Variants in DEPDC1B observed in about 807,000 individuals in gnomAD.
DEPDC1B encodes the protein DEP domain containing 1B.
A neutral mutation model predicts 66.5 loss-of-function variants in DEPDC1B; 51 were observed. That is an observed-to-expected ratio of 0.77 (90% CI 0.61 to 0.97). The LOEUF (loss-of-function observed/expected upper bound fraction) is 0.97. DEPDC1B is among the 50% of genes least tolerant of loss of function. The pLI, the probability that DEPDC1B is intolerant of heterozygous loss-of-function variation, is 0.00. For synonymous variants in DEPDC1B, 226 were observed against 223.6 expected (o/e 1.01, Z -0.10); for missense variants, 552 against 637.1 (o/e 0.87, Z 1.44).
At chr5:60,602,443 T>G (rs952933594) in intron 9 of DEPDC1B, among the ~76,000 whole-genome samples, 1 of 152,088 alleles carries the variant, frequency 6.6e-6, no homozygotes, top group African/African-American at 2.4e-5. Context: ...TTGTAATACC[T>G]CAGAAGGAGG....
intron 7 of DEPDC1B, among the ~76,000 whole-genome samples, chr5:60,619,681 G>A (rs1752655315): frequency 1.3e-5 from 2 of 152,196 alleles, no homozygotes; most frequent in South Asian, 4.1e-4. Flanking sequence ...TCATGGGTAG[G>A]AAGAATCAAT....
intron 10 of DEPDC1B, 70 bp downstream of exon 10, chr5:60,599,005 T>C (rs1004680515): frequency 2.9e-5 from 38 of 1,292,662 alleles, no homozygotes; most frequent in Non-Finnish European, 3.8e-5. Flanking sequence ...ATGAAGCCTA[T>C]TAAAATAAAA....
Position 60,627,650 on chromosome 5 carries a change from A to G in DEPDC1B, c.898+11100T>C, listed in dbSNP as rs142431661. Among the ~76,000 whole-genome samples the G allele has an allele frequency of 1.7e-3, 260 of 152,262 alleles. 2 individuals carry two copies. The highest frequency in any genetic ancestry group is 6.1e-3 in the African/African-American group (252 of 41,566). ...CTTGTTTCTTGCATTTCCAAATGAT[A>G]TAATAGTGCTTTCTCTAACTACAAA... is the stretch of plus-strand genomic sequence containing the variant. On this transcript the variant is annotated intron_variant, in intron 7 of 10. Coordinates refer to ENST00000265036, the MANE Select transcript of DEPDC1B (RefSeq NM_018369.3).
rs1249467513 is a variant in DEPDC1B, at chr5:60,668,013, T to TTA, written c.314+18947_314+18948dup. ...ATATTATATATATAAAATGGATATT[T>TTA]TATATATATATAAAATGGATATTTT... On this transcript the variant is annotated intron_variant, in intron 2 of 10. Coordinates refer to ENST00000265036, the MANE Select transcript of DEPDC1B (RefSeq NM_018369.3). Among the ~76,000 whole-genome samples, 387 of 81,386 alleles carry TTA rather than the reference T, an allele frequency of 4.8e-3. 9 individuals carry two copies. The highest frequency in any genetic ancestry group is 0.01 in the African/African-American group (131 of 12,526). The allele number at this position is 81,386 out of a possible 152,430, so 53.4% of individuals were successfully genotyped here. A position where few individuals can be genotyped will look rare whatever the true frequency, so the allele number is the denominator to read the frequency against.
intron 3 of DEPDC1B, among the ~76,000 whole-genome samples, chr5:60,646,548 C>T (rs1279647183): frequency 6.6e-6 from 1 of 152,166 alleles, no homozygotes; most frequent in Non-Finnish European, 1.5e-5. Context: ...TGGATTCAAC[C>T]AACCACAGAT....
intron 10 of DEPDC1B, among the ~76,000 whole-genome samples, chr5:60,598,267 G>A (rs1000654391): frequency 6.6e-6 from 1 of 152,040 alleles, no homozygotes; most frequent in Non-Finnish European, 1.5e-5. Context: ...CTCCAACTCA[G>A]CCCCACCAGC....
intron 7 of DEPDC1B, 116 bp downstream of exon 7, chr5:60,638,634 T>A (rs1204950344): frequency 6.7e-6 from 7 of 1,050,674 alleles, no homozygotes; most frequent in East Asian, 2.7e-5. Flanking sequence ...AAATACTCTA[T>A]CAGTTTTTAT....
chr5:60,623,938 G>T (rs781241439), intron 7 of DEPDC1B, among the ~76,000 whole-genome samples: 2 of 151,988 alleles, frequency 1.3e-5, no homozygotes, highest in Admixed American at 6.6e-5. Flanking sequence ...TGGGATTTTT[G>T]ATATCAGCAA....
rs116129153 is a variant in DEPDC1B, at chr5:60,690,585, C to A, written c.49-3358G>T. 3.2e-3 allele frequency among the ~76,000 whole-genome samples: 493 copies of A among 152,250 alleles called. 3 individuals are homozygous for A. The highest frequency in any genetic ancestry group is 0.011 in the African/African-American group (447 of 41,550). On this transcript the variant is annotated intron_variant, in intron 1 of 10. Coordinates refer to ENST00000265036, the MANE Select transcript of DEPDC1B (RefSeq NM_018369.3). ...CAGTCCTCCTAAAGTCCTTAAAATT[C>A]ATAGTCATATTCTCATTTTCTCTTA...
chr5:60,657,538 C>A (rs867153338), intron 2 of DEPDC1B, among the ~76,000 whole-genome samples: 1 of 152,078 alleles, frequency 6.6e-6, no homozygotes, highest in Non-Finnish European at 1.5e-5. Context: ...TGTATCTTTG[C>A]TTTGTTTATG....
chr5:60,649,158 C>T (rs1313869457), intron 2 of DEPDC1B, among the ~76,000 whole-genome samples: 1 of 152,118 alleles, frequency 6.6e-6, no homozygotes, highest in Non-Finnish European at 1.5e-5. Flanking sequence ...CTCACAAACT[C>T]TCTATGTGTC....
chr5:60,653,920 T>A (rs1421811671), intron 2 of DEPDC1B, among the ~76,000 whole-genome samples: 2 of 149,046 alleles, frequency 1.3e-5, no homozygotes, highest in Non-Finnish European at 2.9e-5. Flanking sequence ...GCTGTAAGTA[T>A]TTCACTTTAT....
intron 2 of DEPDC1B, among the ~76,000 whole-genome samples, chr5:60,656,144 G>A (rs534252376): frequency 3.2e-4 from 48 of 148,974 alleles, no homozygotes; most frequent in African/African-American, 1.2e-3. Flanking sequence ...TTGTCCTAAG[G>A]TATAGTTTAA....
chr5:60,644,619 G>C (rs1338295711), intron 5 of DEPDC1B, 126 bp downstream of exon 5: 5 of 704,802 alleles, frequency 7.1e-6, no homozygotes, highest in Non-Finnish European at 6.4e-6. Flanking sequence ...AAAGGTATTA[G>C]AAAGAATATA....
At chr5:60,681,984 A>C (rs1399244159) in intron 2 of DEPDC1B, among the ~76,000 whole-genome samples, 1 of 152,080 alleles carries the variant, frequency 6.6e-6, no homozygotes, top group Non-Finnish European at 1.5e-5. Context: ...TTAAGGATTC[A>C]GTAAATGAAA....
At chr5:60,643,641 C>T (rs1278652496) in intron 5 of DEPDC1B, among the ~76,000 whole-genome samples, 1 of 152,230 alleles carries the variant, frequency 6.6e-6, no homozygotes, top group East Asian at 1.9e-4. Flanking sequence ...GATGATTGAT[C>T]ATCTAACTGA....
intron 2 of DEPDC1B, among the ~76,000 whole-genome samples, chr5:60,650,892 A>G (rs1177308718): frequency 6.6e-6 from 1 of 152,192 alleles, no homozygotes. Context: ...TTTGATAAAT[A>G]CAATAAGGAA....
chr5:60,600,308 T>C (rs1222841803), intron 9 of DEPDC1B, among the ~76,000 whole-genome samples: 1 of 152,110 alleles, frequency 6.6e-6, no homozygotes, highest in Non-Finnish European at 1.5e-5. Flanking sequence ...CCAAGGCCTG[T>C]GAATAAATGA....
At chr5:60,614,705 A>G (rs1457861129) in intron 7 of DEPDC1B, among the ~76,000 whole-genome samples, 4 of 152,246 alleles carry the variant, frequency 2.6e-5, no homozygotes, top group Admixed American at 6.5e-5. Flanking sequence ...AGTTATTATT[A>G]GCAGGCCAGG....
Sources: allele counts gnomAD v4.1 joint callset (sites outside exome capture counted in the v4.1 genomes callset), GRCh38; gene constraint gnomAD v4.1.1; transcripts MANE v1.5; gene names NCBI Gene and HGNC (gene_info 2026-07-23, HGNC 2026-07-21).